ATPAF1: variants seen among roughly 807,000 people sequenced by gnomAD.
The protein encoded by ATPAF1 is homolog of yeast ATP11.
Under a neutral mutation model 43.9 loss-of-function variants are expected in ATPAF1, and 26 were observed. The ratio of observed to expected loss-of-function variants is 0.59; its 90% CI spans 0.43 to 0.82. ATPAF1 has a LOEUF of 0.82. ATPAF1 is among the 40% of genes least tolerant of loss of function. ATPAF1 has a pLI of 0.00. For missense variants in ATPAF1, 366 were observed against 435.0 expected (o/e 0.84, Z 1.41); for synonymous variants, 157 against 168.0 (o/e 0.93, Z 0.50).
At chr1:46,663,803 T>A in intron 2 of ATPAF1, 1 of 1,151,270 alleles carries the variant, frequency 8.7e-7, no homozygotes, top group Non-Finnish European at 1.1e-6. Flanking sequence ...TAAAACACAA[T>A]GTAGAATCCC....
At chr1:46,639,123 T>C (rs1675900083) in intron 8 of ATPAF1, among the ~76,000 whole-genome samples, 1 of 152,180 alleles carries the variant, frequency 6.6e-6, no homozygotes, top group Non-Finnish European at 1.5e-5. Context: ...GGTCTTAAAA[T>C]CCATCTCTTT....
chr1:46,649,242 CT>C lies in ATPAF1; in HGVS notation c.588+3338del, dbSNP rs535143500. ...CACTGTGAGGTAAAAGTAGAGGTTC[CT>C]TTTTTTTGTGCATGATATTCAATTG... is the stretch of plus-strand genomic sequence containing the variant. On this transcript the variant is annotated intron_variant, in intron 6 of 8. Transcript: ENST00000574428. 2.5e-3 allele frequency among the ~76,000 whole-genome samples: 381 copies of C among 150,936 alleles called. 1 individual carries two copies. Among genetic ancestry groups the C allele is most frequent in the African/African-American group, 8.6e-3 (355 of 41,202 alleles).
intron 4 of ATPAF1, among the ~76,000 whole-genome samples, chr1:46,654,856 C>G (rs1213091642): frequency 6.6e-6 from 1 of 152,044 alleles, no homozygotes; most frequent in Non-Finnish European, 1.5e-5. Flanking sequence ...CATGTCCCTG[C>G]AAAGGACATG....
downstream of ATPAF1, chr1:46,634,912 T>G (rs1347654844): frequency 4.6e-5 from 7 of 152,618 alleles, no homozygotes; most frequent in Non-Finnish European, 4.4e-5. Flanking sequence ...TAACAAACAT[T>G]GTAAGCCAGA....
At chr1:46,656,626 C>T (rs1185536619) in intron 4 of ATPAF1, among the ~76,000 whole-genome samples, 3 of 152,034 alleles carry the variant, frequency 2.0e-5, no homozygotes, top group African/African-American at 7.2e-5. Flanking sequence ...TATATGTTTC[C>T]TTATATAGTT....
At chr1:46,667,216 GAGT>G (rs1676505445) in intron 1 of ATPAF1, among the ~76,000 whole-genome samples, 2 of 152,260 alleles carry the variant, frequency 1.3e-5, no homozygotes, top group South Asian at 4.1e-4. Context: ...GACGATGATG[GAGT>G]AGATTAAGGC....
intron 2 of ATPAF1, 74 bp from the exon 3 acceptor site, chr1:46,658,811 C>T: frequency 1.0e-6 from 1 of 966,808 alleles, no homozygotes; most frequent in East Asian, 2.8e-5. Context: ...AGGTGAAGTA[C>T]CCAATCTCAT....
exon 9 of ATPAF1, chr1:46,635,520 G>A: frequency 2.1e-6 from 1 of 465,962 alleles, no homozygotes; most frequent in Non-Finnish European, 3.8e-6. Flanking sequence ...GTCCTTGGCT[G>A]TCTCTTGTTA....
chr1:46,638,735 C>T (rs1020824113), intron 8 of ATPAF1, among the ~76,000 whole-genome samples: 4 of 151,658 alleles, frequency 2.6e-5, no homozygotes, highest in African/African-American at 7.3e-5. Context: ...GCAACCCCCA[C>T]CAGCCCTTAT....
At chr1:46,663,878 T>A in intron 2 of ATPAF1, 1 of 1,271,760 alleles carries the variant, frequency 7.9e-7, no homozygotes, top group Non-Finnish European at 1.0e-6. Flanking sequence ...CTCCATATTC[T>A]CCCTGGCGCT....
At chr1:46,636,492 T>A (rs1675843744) in intron 8 of ATPAF1, among the ~76,000 whole-genome samples, 1 of 152,210 alleles carries the variant, frequency 6.6e-6, no homozygotes, top group South Asian at 2.1e-4. Flanking sequence ...GTCAGAAAAG[T>A]ACTCCCAGAG....
intron 6 of ATPAF1, among the ~76,000 whole-genome samples, chr1:46,645,693 T>A (rs928395730): frequency 6.6e-6 from 1 of 152,142 alleles, no homozygotes; most frequent in African/African-American, 2.4e-5. Context: ...AAGAAATTCA[T>A]ATGTGGCAAT....
intron 6 of ATPAF1, among the ~76,000 whole-genome samples, chr1:46,646,491 A>C (rs1419360495): frequency 1.3e-5 from 2 of 152,214 alleles, no homozygotes; most frequent in East Asian, 3.8e-4. Context: ...TATGCTCAAG[A>C]TGTTTAGAAT....
At chr1:46,651,006 A>G (rs1557929537) in intron 6 of ATPAF1, among the ~76,000 whole-genome samples, 1 of 151,808 alleles carries the variant, frequency 6.6e-6, no homozygotes, top group Non-Finnish European at 1.5e-5. Flanking sequence ...TTATTTATTT[A>G]TTATTATTAT....
At chr1:46,643,975 C>G (rs1215836730) in intron 7 of ATPAF1, among the ~76,000 whole-genome samples, 2 of 152,206 alleles carry the variant, frequency 1.3e-5, no homozygotes. Context: ...TAGACTTTAT[C>G]TCTAAAATTT....
At chr1:46,651,241 C>T (rs1676163424) in intron 6 of ATPAF1, among the ~76,000 whole-genome samples, 1 of 151,462 alleles carries the variant, frequency 6.6e-6, no homozygotes, top group Admixed American at 6.6e-5. Flanking sequence ...TGAGTGAGAA[C>T]ATGCGGTGTT....
upstream of ATPAF1, chr1:46,668,402 G>A: frequency 8.4e-7 from 1 of 1,187,106 alleles, no homozygotes; most frequent in Non-Finnish European, 1.0e-6. This position sits in a 1 kb window ranked among gnomAD's most constrained non-coding sequence, Gnocchi z 4.4. Flanking sequence ...CCCGCTCCGA[G>A]TGCGCCGCGC....
chr1:46,663,102 G>A (rs1217197521), intron 2 of ATPAF1, among the ~76,000 whole-genome samples: 2 of 152,168 alleles, frequency 1.3e-5, no homozygotes, highest in African/African-American at 4.8e-5. Context: ...TCCCTACAAA[G>A]GACATGAACT....
chr1:46,648,411 C>T (rs1676096896), intron 6 of ATPAF1, among the ~76,000 whole-genome samples: 1 of 152,140 alleles, frequency 6.6e-6, no homozygotes, highest in Admixed American at 6.5e-5. Flanking sequence ...CACACCCACC[C>T]TATTTTTATT....
Sources: gnomAD v4.1 joint callset for allele counts (sites outside exome capture counted in the v4.1 genomes callset) on GRCh38, gnomAD v4.1.1 for gene constraint, Gnocchi (gnomAD v3.1) non-coding constraint, MANE v1.5 for transcripts, NCBI Gene and HGNC (gene_info 2026-07-23, HGNC 2026-07-21) for gene names.